Variants in SYNPO2 observed in about 807,000 individuals in gnomAD.
SYNPO2 encodes synaptopodin 2.
Under a neutral mutation model 85.0 loss-of-function variants are expected in SYNPO2, and 56 were observed. The observed-to-expected ratio is 0.66, with a 90% CI of 0.53 to 0.82. The LOEUF is 0.82. Ranked by LOEUF, SYNPO2 falls within the 40% of genes least tolerant of loss-of-function variation. The probability of loss-of-function intolerance (pLI) is 0.00; values close to 1 mark genes in which losing one functional copy is unlikely to be tolerated. For missense variants in SYNPO2, 1,575 were observed against 1,534.2 expected, an observed-to-expected ratio of 1.03 and a Z score of -0.44; for synonymous variants, 602 against 591.1, an observed-to-expected ratio of 1.02 and a Z score of -0.27.
At chr4:118,908,317 A>G (rs531214408) in intron 1 of SYNPO2, among the ~76,000 whole-genome samples, 2 of 152,250 alleles carry the variant, frequency 1.3e-5, no homozygotes, top group South Asian at 4.1e-4. Context: ...GTTACTCATT[A>G]TATTGGCCAA....
chr4:118,883,525 A>G (rs1453367434), intron 1 of SYNPO2, among the ~76,000 whole-genome samples: 1 of 152,238 alleles, frequency 6.6e-6, no homozygotes, highest in Non-Finnish European at 1.5e-5. Context: ...GGGGAAAGAT[A>G]GAATGGGTAT....
chr4:118,980,527 C>T (rs935056708), intron 1 of SYNPO2, among the ~76,000 whole-genome samples: 1 of 152,066 alleles, frequency 6.6e-6, no homozygotes, highest in Non-Finnish European at 1.5e-5. Context: ...AGCACACACC[C>T]ACACATGCCA....
Position 119,060,715 on chromosome 4 carries a change from A to G in SYNPO2, c.*2781A>G, listed in dbSNP as rs1739385041. ...AAGAGTTTGAGTTTTACTGTGGATT[A>G]AAAAGCCTTCCCTAAAAAGAGAGCA... is the stretch of plus-strand genomic sequence containing the variant. On this transcript the variant is annotated 3_prime_UTR_variant, in exon 5 of 5. Coordinates refer to ENST00000307142, the MANE Select transcript of SYNPO2 (RefSeq NM_133477.3). 6.6e-6 allele frequency: 1 copy of G among 152,212 alleles called. No homozygotes were observed. The highest frequency in any genetic ancestry group is 2.4e-5 in the African/African-American group (1 of 41,470). 9.4% of individuals were successfully genotyped at this position (152,212 alleles called of 1,614,324 possible).
intron 1 of SYNPO2, among the ~76,000 whole-genome samples, chr4:118,989,078 T>C (rs1387932733): frequency 6.6e-6 from 1 of 152,208 alleles, no homozygotes; most frequent in Non-Finnish European, 1.5e-5. Flanking sequence ...AAATTGAATT[T>C]AAAGGCCTGG....
intron 4 of SYNPO2, among the ~76,000 whole-genome samples, chr4:119,047,942 C>T (rs1281741823): frequency 6.6e-6 from 1 of 152,190 alleles, no homozygotes; most frequent in African/African-American, 2.4e-5. Flanking sequence ...ATTCCAATCT[C>T]TTTTATCGTT....
intron 1 of SYNPO2, among the ~76,000 whole-genome samples, chr4:118,941,852 G>C (rs991686175): frequency 6.6e-6 from 1 of 152,194 alleles, no homozygotes; most frequent in Admixed American, 6.5e-5. Flanking sequence ...GGAAGGCAGA[G>C]GCCACCGCCT....
Position 118,942,080 on chromosome 4 carries a change from T to C in SYNPO2, c.105+52939T>C, listed in dbSNP as rs1051036570. 1.7e-4 allele frequency among the ~76,000 whole-genome samples: 26 copies of C among 152,302 alleles called. 1 individual carries two copies. Among genetic ancestry groups the C allele is most frequent in the African/African-American group, 6.3e-4 (26 of 41,564 alleles). ...GACTCACTAATGCTTGGTTTACATATGAAAGGAATACTGGACGGCAAGTTA... is the reference window on the plus strand; with the variant it reads ...GACTCACTAATGCTTGGTTTACATACGAAAGGAATACTGGACGGCAAGTTA... On this transcript the variant is annotated intron_variant, in intron 1 of 4. Coordinates refer to ENST00000307142, the MANE Select transcript of SYNPO2 (RefSeq NM_133477.3).
intron 1 of SYNPO2, among the ~76,000 whole-genome samples, chr4:118,962,702 C>G (rs1735152927): frequency 6.6e-6 from 1 of 152,126 alleles, no homozygotes; most frequent in Non-Finnish European, 1.5e-5. Context: ...TTGGCAAAAT[C>G]AAGAACTGGG....
At chr4:119,035,453 C>T in intron 4 of SYNPO2, 1 of 985,310 alleles carries the variant, frequency 1.0e-6, no homozygotes, top group Non-Finnish European at 1.2e-6. Flanking sequence ...GAGAGGAAAA[C>T]AAACACAGTT....
chr4:118,891,586 C>G (rs2149114047), intron 1 of SYNPO2, among the ~76,000 whole-genome samples: 1 of 152,280 alleles, frequency 6.6e-6, no homozygotes, highest in East Asian at 1.9e-4. Context: ...AGGCCATTGC[C>G]TCATTAGGAT....
chr4:118,870,755 G>T (rs1731785743), intron 1 of SYNPO2, among the ~76,000 whole-genome samples: 1 of 152,150 alleles, frequency 6.6e-6, no homozygotes, highest in Non-Finnish European at 1.5e-5. Flanking sequence ...ATGGGGGAGG[G>T]AGAGCATCAG....
upstream of SYNPO2, among the ~76,000 whole-genome samples, chr4:118,885,164 G>T (rs1272260886): frequency 6.6e-6 from 1 of 152,208 alleles, no homozygotes; most frequent in Non-Finnish European, 1.5e-5. Context: ...CAAGGTAGGG[G>T]TAGTAAGCAA....
At chr4:118,997,230 A>C (rs1158265543) in intron 1 of SYNPO2, among the ~76,000 whole-genome samples, 4 of 136,288 alleles carry the variant, frequency 2.9e-5, no homozygotes, top group Non-Finnish European at 6.4e-5. Context: ...ACAGAGCGAG[A>C]CTCCGTCTCA....
At chr4:118,912,378 A>G (rs1329741373) in intron 1 of SYNPO2, among the ~76,000 whole-genome samples, 1 of 152,112 alleles carries the variant, frequency 6.6e-6, no homozygotes, top group African/African-American at 2.4e-5. Context: ...ACAGGGTTTC[A>G]CCATGTTGCC....
At chr4:118,858,293 C>T (rs1299983650) in intron 1 of SYNPO2, among the ~76,000 whole-genome samples, 1 of 152,162 alleles carries the variant, frequency 6.6e-6, no homozygotes, top group Non-Finnish European at 1.5e-5. Context: ...TTAAGTTTTA[C>T]TGTTATTTAT....
intron 1 of SYNPO2, among the ~76,000 whole-genome samples, chr4:118,872,996 T>C (rs898160247): frequency 2.6e-5 from 4 of 152,184 alleles, no homozygotes; most frequent in African/African-American, 9.6e-5. Context: ...GTAAAAGACA[T>C]AATTTCACTT....
chr4:118,969,723 G>A (rs2149154735), intron 1 of SYNPO2, among the ~76,000 whole-genome samples: 1 of 151,242 alleles, frequency 6.6e-6, no homozygotes, highest in South Asian at 2.1e-4. Context: ...CTTTCTATAA[G>A]GTCACTAATA....
At position 119,030,521 on chromosome 4, in the gene SYNPO2, G is replaced by A; in HGVS notation, c.1746G>A (p.Met582Ile). The change falls in exon 4 of 5, where the codon ATG becomes ATA. Residue 582 changes from methionine (M) to isoleucine (I), a missense_variant. By Grantham distance (10) the Met-to-Ile change is conservative. Coordinates refer to ENST00000307142, the MANE Select transcript of SYNPO2 (RefSeq NM_133477.3). ...GTSETANIQR[M>I]VPMNRTAKPF... ...CTGAGACAGCAAACATCCAGAGGAT[G>A]GTCCCCATGAATAGAACGGCCAAAC... The A allele has an allele frequency of 6.2e-7, 1 of 1,614,084 alleles. No individual in the cohort carries two copies. Among genetic ancestry groups the A allele is most frequent in the Non-Finnish European group, 8.5e-7 (1 of 1,179,978 alleles).
intron 1 of SYNPO2, among the ~76,000 whole-genome samples, chr4:118,937,572 G>C (rs994298814): frequency 2.0e-5 from 3 of 152,170 alleles, no homozygotes; most frequent in Non-Finnish European, 2.9e-5. Flanking sequence ...TTGGCCTACT[G>C]CTGGATCTCC....
Sources: allele counts gnomAD v4.1 joint callset (sites outside exome capture counted in the v4.1 genomes callset), GRCh38; gene constraint gnomAD v4.1.1; transcripts MANE v1.5; gene names NCBI Gene and HGNC (gene_info 2026-07-23, HGNC 2026-07-21).